NLN: variants seen among roughly 807,000 people sequenced by gnomAD.
The protein encoded by NLN is neurolysin, mitochondrial.
In NLN, 64 loss-of-function variants were observed where a neutral mutation model predicts 79.9. The ratio of observed to expected loss-of-function variants is 0.80; its 90% confidence interval spans 0.65 to 0.99. The LOEUF is 0.99. Among genes scored for constraint, NLN ranks in the 50% least tolerant of loss-of-function variants. The probability of loss-of-function intolerance (pLI) is 0.00; values close to 1 mark genes in which losing one functional copy is unlikely to be tolerated. For missense variants in NLN, 835 were observed against 858.7 expected (o/e 0.97, Z 0.34); for synonymous variants, 267 against 296.6 (o/e 0.90, Z 1.02).
intron 1 of NLN, among the ~76,000 whole-genome samples, chr5:65,756,041 C>T (rs2150744742): frequency 6.6e-6 from 1 of 152,272 alleles, no homozygotes; most frequent in East Asian, 1.9e-4. Flanking sequence ...TGGCATTCTG[C>T]TGCTGTATTC....
intron 1 of NLN, among the ~76,000 whole-genome samples, chr5:65,752,641 T>C (rs1185665817): frequency 2.0e-5 from 3 of 152,184 alleles, no homozygotes; most frequent in African/African-American, 4.8e-5. Flanking sequence ...ACGAGATCAA[T>C]GTACCAGCAT....
At chr5:65,763,806 G>A (rs1356994028) in intron 3 of NLN, among the ~76,000 whole-genome samples, 6 of 151,696 alleles carry the variant, frequency 4.0e-5, no homozygotes, top group African/African-American at 1.2e-4. Flanking sequence ...AAATTAAATA[G>A]CATTTTAATT....
chr5:65,750,391 G>C (rs1759078862), intron 1 of NLN, among the ~76,000 whole-genome samples: 1 of 152,206 alleles, frequency 6.6e-6, no homozygotes, highest in African/African-American at 2.4e-5. Flanking sequence ...TTGGCTGAAG[G>C]CTTCAAGAAA....
chr5:65,805,108 A>T (rs1352494844), intron 9 of NLN, among the ~76,000 whole-genome samples: 1 of 152,192 alleles, frequency 6.6e-6, no homozygotes. Context: ...TCTTTATAAG[A>T]GAGTGAACTT....
At chr5:65,785,434 G>A (rs1233103643) in intron 6 of NLN, among the ~76,000 whole-genome samples, 1 of 152,086 alleles carries the variant, frequency 6.6e-6, no homozygotes, top group Non-Finnish European at 1.5e-5. Flanking sequence ...GGAACTGAAA[G>A]TACCAATATT....
intron 1 of NLN, among the ~76,000 whole-genome samples, chr5:65,739,269 G>A (rs1758821557): frequency 6.6e-6 from 1 of 151,736 alleles, no homozygotes; most frequent in Admixed American, 6.6e-5. Context: ...GTGAGATCAT[G>A]CAGTATGTGT....
intron 11 of NLN, 44 bp downstream of exon 11, chr5:65,810,209 A>T: frequency 6.3e-7 from 1 of 1,581,674 alleles, no homozygotes; most frequent in Non-Finnish European, 8.7e-7. Context: ...TGTGAAGCAC[A>T]GGGCGTTCTC....
intron 3 of NLN, among the ~76,000 whole-genome samples, chr5:65,776,949 C>T (rs1445124439): frequency 2.6e-5 from 4 of 152,276 alleles, no homozygotes; most frequent in Admixed American, 6.5e-5. Context: ...ATCCAGCTCT[C>T]CCCGTTTGGT....
chr5:65,722,747 A>C, intron 1 of NLN: 1 of 343,240 alleles, frequency 2.9e-6, no homozygotes, highest in South Asian at 3.4e-5. Context: ...CCCAATGCAG[A>C]ACTACAGACC....
intron 11 of NLN, among the ~76,000 whole-genome samples, chr5:65,811,220 A>C (rs1348900514): frequency 6.6e-6 from 1 of 152,226 alleles, no homozygotes; most frequent in Non-Finnish European, 1.5e-5. Flanking sequence ...AGCCACATTT[A>C]TAGAGAGAAT....
chr5:65,816,810 T>A (rs1296260826), intron 12 of NLN, among the ~76,000 whole-genome samples: 1 of 152,220 alleles, frequency 6.6e-6, no homozygotes, highest in Non-Finnish European at 1.5e-5. Flanking sequence ...AAATATATCC[T>A]GCAGACTTTG....
At chr5:65,741,510 AAT>A (rs903424531) in intron 1 of NLN, among the ~76,000 whole-genome samples, 2 of 152,178 alleles carry the variant, frequency 1.3e-5, no homozygotes, top group Admixed American at 6.5e-5. Context: ...CACACAACAA[AAT>A]ATTTATGTGT....
At chr5:65,797,311 G>T (rs536595360) in intron 9 of NLN, among the ~76,000 whole-genome samples, 1 of 152,204 alleles carries the variant, frequency 6.6e-6, no homozygotes, top group African/African-American at 2.4e-5. Flanking sequence ...TTACACTAAA[G>T]CCTTCTTAAT....
chr5:65,723,224 A>G (rs1267772066), intron 1 of NLN, among the ~76,000 whole-genome samples: 1 of 152,236 alleles, frequency 6.6e-6, no homozygotes, highest in Non-Finnish European at 1.5e-5. Flanking sequence ...CTTGCTAGCT[A>G]TCAACAAAAC....
At chr5:65,741,359 A>T (rs1249601487) in intron 1 of NLN, among the ~76,000 whole-genome samples, 1 of 151,598 alleles carries the variant, frequency 6.6e-6, no homozygotes, top group Non-Finnish European at 1.5e-5. Context: ...ACTTTGTGAA[A>T]TTTTTTTTTC....
chr5:65,777,512 A>G lies in NLN; in HGVS notation c.536A>G (p.His179Arg), dbSNP rs1165590782. 7.5e-6 allele frequency: 12 copies of G among 1,606,280 alleles called. No homozygotes were observed. The highest frequency in any genetic ancestry group is 2.7e-5 in the African/African-American group (2 of 74,776). ...AAAATGGGGAAAAGAAATGGGCTCC[A>G]TCTTCCTGAACAAGTACAGAATGTG... ...SIKMGKRNGL[H>R]LPEQVQNEIK... The change falls in exon 4 of 13, where the codon CAT becomes CGT. Residue 179 changes from histidine to arginine, a missense_variant. Transcript: ENST00000380985.
intron 1 of NLN, among the ~76,000 whole-genome samples, chr5:65,754,086 A>G (rs953019981): frequency 6.6e-6 from 1 of 152,058 alleles, no homozygotes; most frequent in Admixed American, 6.6e-5. Flanking sequence ...TTCCTTTATC[A>G]GTAGGATCCT....
intron 12 of NLN, among the ~76,000 whole-genome samples, chr5:65,818,458 T>C (rs1760721798): frequency 6.6e-6 from 1 of 152,124 alleles, no homozygotes; most frequent in South Asian, 2.1e-4. Context: ...AATAAAGGTT[T>C]ACCCTTCTAT....
chr5:65,759,309 G>A (rs982048850), intron 2 of NLN, among the ~76,000 whole-genome samples: 91 of 152,118 alleles, frequency 6.0e-4, no homozygotes, highest in African/African-American at 2.1e-3. Flanking sequence ...ATGGGGAAAA[G>A]GACACAGAAG....
Sources: allele counts gnomAD v4.1 joint callset (sites outside exome capture counted in the v4.1 genomes callset), GRCh38; gene constraint gnomAD v4.1.1; transcripts MANE v1.5; gene names NCBI Gene and HGNC (gene_info 2026-07-23, HGNC 2026-07-21).